Variants in SNCAIP observed in about 807,000 individuals in gnomAD.
SNCAIP encodes synphilin-1.
Under a neutral mutation model 86.7 loss-of-function variants are expected in SNCAIP, and 43 were observed. That is an observed-to-expected ratio of 0.50 (90% CI 0.39 to 0.64). The LOEUF is 0.64. SNCAIP is among the 30% of genes least tolerant of loss of function. SNCAIP has a pLI of 0.00. For synonymous variants in SNCAIP, 417 were observed against 427.2 expected (o/e 0.98, Z 0.29); for missense variants, 981 against 1,103.1 (o/e 0.89, Z 1.57).
chr5:122,376,936 C>A (rs1474967706), intron 1 of SNCAIP, among the ~76,000 whole-genome samples: 1 of 152,124 alleles, frequency 6.6e-6, no homozygotes, highest in Non-Finnish European at 1.5e-5. Context: ...CTTCACAATG[C>A]AGGATTCTGA....
intron 7 of SNCAIP, chr5:122,443,422 G>A (rs1026041928): frequency 3.8e-5 from 11 of 290,802 alleles, no homozygotes; most frequent in African/African-American, 2.4e-4. Flanking sequence ...TTTCAACCAT[G>A]TTCCATCAAA....
Position 122,405,867 on chromosome 5 carries a change from G to T in SNCAIP, c.130+2002G>T, listed in dbSNP as rs866936609. Among the ~76,000 whole-genome samples the T allele has an allele frequency of 3.9e-5, 6 of 152,114 alleles. No homozygotes were observed. In the South Asian group the frequency reaches 8.3e-4, roughly 21 times the overall value. The stretch of plus-strand genomic sequence containing the variant: ...CTAGTCATCTCCACAATAAATGATG[G>T]TAGACTTTTCTTCCGTGGTTGAGGA... On this transcript the variant is annotated intron_variant, in intron 3 of 10. Coordinates refer to ENST00000261368, the MANE Select transcript of SNCAIP (RefSeq NM_005460.4).
chr5:122,450,425 T>C, intron 9 of SNCAIP, 108 bp from the exon 10 acceptor site: 1 of 826,252 alleles, frequency 1.2e-6, no homozygotes, highest in South Asian at 1.4e-5. Flanking sequence ...ATCTGTATTC[T>C]GTTCTTATTT....
intron 10 of SNCAIP, among the ~76,000 whole-genome samples, chr5:122,454,999 C>T (rs911648408): frequency 6.6e-6 from 1 of 152,192 alleles, no homozygotes; most frequent in African/African-American, 2.4e-5. Flanking sequence ...CTTCTAAAGG[C>T]TCAGTTTAGA....
At chr5:122,389,675 T>C (rs1580920882) in intron 1 of SNCAIP, 1 of 152,238 alleles carries the variant, frequency 6.6e-6, no homozygotes, top group Non-Finnish European at 1.5e-5. Context: ...TTCTTTTCAT[T>C]GTAAGCCTTA....
intron 1 of SNCAIP, among the ~76,000 whole-genome samples, chr5:122,387,320 G>A (rs1197340253): frequency 3.3e-5 from 5 of 151,920 alleles, no homozygotes; most frequent in African/African-American, 9.7e-5. Flanking sequence ...CACCACGCCC[G>A]GCTAATGTTT....
At chr5:122,429,827 A>T (rs899397834) in intron 5 of SNCAIP, among the ~76,000 whole-genome samples, 4 of 152,160 alleles carry the variant, frequency 2.6e-5, no homozygotes, top group African/African-American at 9.7e-5. Flanking sequence ...AAGCTGGGAA[A>T]GGGAAAGGAG....
At chr5:122,380,227 T>C (rs1374951388) in intron 1 of SNCAIP, among the ~76,000 whole-genome samples, 1 of 152,214 alleles carries the variant, frequency 6.6e-6, no homozygotes, top group Non-Finnish European at 1.5e-5. Flanking sequence ...CTCCTGTTAT[T>C]GGTCTATTCA....
chr5:122,376,689 C>A (rs955322838), intron 1 of SNCAIP, among the ~76,000 whole-genome samples: 11 of 152,150 alleles, frequency 7.2e-5, no homozygotes, highest in Non-Finnish European at 1.5e-5. Flanking sequence ...TTGATTTTAA[C>A]TCTCTTGCTC....
chr5:122,341,062 C>A (rs554188510), intron 1 of SNCAIP, among the ~76,000 whole-genome samples: 1 of 152,248 alleles, frequency 6.6e-6, no homozygotes, highest in Non-Finnish European at 1.5e-5. Context: ...TCTATTCAAC[C>A]CCAAGAGCCT....
chr5:122,402,406 G>T (rs966642315), intron 2 of SNCAIP, among the ~76,000 whole-genome samples: 14 of 152,284 alleles, frequency 9.2e-5, no homozygotes, highest in African/African-American at 3.1e-4. Flanking sequence ...GAGCATGTGG[G>T]TGGGTTTGCT....
intron 3 of SNCAIP, among the ~76,000 whole-genome samples, chr5:122,420,007 T>C (rs1224587171): frequency 6.6e-6 from 1 of 152,198 alleles, no homozygotes; most frequent in African/African-American, 2.4e-5. Context: ...GTGTATGATA[T>C]AGCAATACAT....
chr5:122,321,599 T>G (rs946659877), intron 1 of SNCAIP: 1 of 152,214 alleles, frequency 6.6e-6, no homozygotes, highest in Admixed American at 6.5e-5. Flanking sequence ...AAGCCCACCA[T>G]TGGCAGTGGG....
At chr5:122,377,543 TA>T (rs140677016) in intron 1 of SNCAIP, among the ~76,000 whole-genome samples, 20,380 of 151,762 alleles carry the variant, frequency 0.13, 1,446 homozygotes, top group South Asian at 0.25. Flanking sequence ...AGAGATCAGA[TA>T]TTTTTTTTAT....
At chr5:122,340,399 T>C (rs1757322873) in intron 1 of SNCAIP, among the ~76,000 whole-genome samples, 1 of 152,204 alleles carries the variant, frequency 6.6e-6, no homozygotes, top group Admixed American at 6.5e-5. Context: ...TATGCTAAGT[T>C]GCCTGGCAAG....
chr5:122,341,799 G>T (rs1757654787), intron 1 of SNCAIP, among the ~76,000 whole-genome samples: 1 of 152,044 alleles, frequency 6.6e-6, no homozygotes, highest in Non-Finnish European at 1.5e-5. Flanking sequence ...TGCAAATGTT[G>T]GATAGGAGGA....
intron 7 of SNCAIP, among the ~76,000 whole-genome samples, chr5:122,443,878 C>A (rs970728731): frequency 3.9e-5 from 6 of 152,320 alleles, no homozygotes; most frequent in African/African-American, 1.4e-4. Flanking sequence ...CCTCCTCCCC[C>A]ATACAGTTCT....
intron 3 of SNCAIP, among the ~76,000 whole-genome samples, chr5:122,418,399 A>G (rs1016235266): frequency 1.3e-5 from 2 of 152,172 alleles, no homozygotes; most frequent in Non-Finnish European, 2.9e-5. Flanking sequence ...TTTATTTAAT[A>G]TATTTTTCTA....
chr5:122,322,625 C>T (rs1435134252), intron 1 of SNCAIP, among the ~76,000 whole-genome samples: 1 of 152,158 alleles, frequency 6.6e-6, no homozygotes, highest in African/African-American at 2.4e-5. Flanking sequence ...TGCTGTCACA[C>T]ACTATGTTTT....
Sources: gnomAD v4.1 joint callset for allele counts (sites outside exome capture counted in the v4.1 genomes callset) on GRCh38, gnomAD v4.1.1 for gene constraint, MANE v1.5 for transcripts, NCBI Gene and HGNC (gene_info 2026-07-23, HGNC 2026-07-21) for gene names.